CHRDL1: variants seen among roughly 807,000 people sequenced by gnomAD.
The protein encoded by CHRDL1 is chordin-like protein 1.
In CHRDL1, 19 loss-of-function variants were observed where a neutral mutation model predicts 40.9. The observed-to-expected ratio is 0.46, with a 90% CI of 0.32 to 0.68. CHRDL1 has a LOEUF of 0.68. Ranked by LOEUF, CHRDL1 falls within the 30% of genes least tolerant of loss-of-function variation. The pLI is 0.03. For synonymous variants in CHRDL1, 136 were observed against 123.4 expected, an observed-to-expected ratio of 1.10 and a Z score of -0.68; for missense variants, 329 against 352.1, an observed-to-expected ratio of 0.93 and a Z score of 0.53.
At chrX:110,708,596 C>T (rs1355497548) in intron 6 of CHRDL1, among the ~76,000 whole-genome samples, 2 of 111,593 alleles carry the variant, frequency 1.8e-5, no homozygotes, top group African/African-American at 3.3e-5. Flanking sequence ...ACACACACAA[C>T]GGGGGGAATT....
intron 7 of CHRDL1, among the ~76,000 whole-genome samples, chrX:110,700,366 C>T: frequency 8.9e-6 from 1 of 111,765 alleles, no homozygotes; most frequent in Middle Eastern, 4.6e-3. Context: ...CCTTAGAGAA[C>T]ACATAAAGAC....
chrX:110,776,888 G>A (rs998672912), intron 2 of CHRDL1, among the ~76,000 whole-genome samples: 3 of 110,645 alleles, frequency 2.7e-5, no homozygotes, highest in Non-Finnish European at 5.7e-5. Flanking sequence ...GTTCACTCTT[G>A]GTATTGCACA....
chrX:110,701,343 C>A (rs766919588), intron 6 of CHRDL1, among the ~76,000 whole-genome samples: 1 of 111,535 alleles, frequency 9.0e-6, no homozygotes, highest in Non-Finnish European at 1.9e-5. Context: ...ACCAAGCAAG[C>A]GAATGGGAAG....
chrX:110,734,017 A>G (rs2071219216), intron 4 of CHRDL1, among the ~76,000 whole-genome samples: 1 of 109,586 alleles, frequency 9.1e-6, no homozygotes, highest in South Asian at 4.0e-4. Context: ...TAATTTTAAG[A>G]GTCTGGTATT....
At chrX:110,753,929 T>C (rs754273897) in intron 4 of CHRDL1, among the ~76,000 whole-genome samples, 1 of 112,492 alleles carries the variant, frequency 8.9e-6, no homozygotes, top group African/African-American at 3.2e-5. Context: ...ATGTGAGTGC[T>C]AAATAAGGGA....
intron 6 of CHRDL1, among the ~76,000 whole-genome samples, chrX:110,708,570 C>A (rs2070690174): frequency 8.9e-6 from 1 of 111,837 alleles, no homozygotes; most frequent in Non-Finnish European, 1.9e-5. Flanking sequence ...AAAATAGCTC[C>A]TTGAGAAATA....
intron 11 of CHRDL1, among the ~76,000 whole-genome samples, chrX:110,678,312 T>C (rs10126502): frequency 0.49 from 53,672 of 110,567 alleles, 11,315 homozygotes; most frequent in African/African-American, 0.79. Flanking sequence ...CTCTATGCTA[T>C]TTGCAGCAAC....
At chrX:110,709,134 T>A (rs920830821) in intron 6 of CHRDL1, among the ~76,000 whole-genome samples, 1 of 112,573 alleles carries the variant, frequency 8.9e-6, no homozygotes, top group Non-Finnish European at 1.9e-5. Context: ...GAGACAATAA[T>A]GCCTACCTTA....
rs1426620738 is a variant in CHRDL1, at chrX:110,688,811, A to G, written c.779-8T>C. 1 of 1,178,090 alleles carries G rather than the reference A, an allele frequency of 8.5e-7. No homozygotes were observed. The highest frequency in any genetic ancestry group is 1.2e-6 in the Non-Finnish European group (1 of 866,845). On this transcript the variant is annotated splice_region_variant and splice_polypyrimidine_tract_variant and intron_variant, in intron 8 of 11. Coordinates refer to ENST00000372042, the MANE Select transcript of CHRDL1 (RefSeq NM_001143981.2). ...TTCCATTGGAAACACACACTGAAAG[A>G]GAATGCAGAATTAGCAATTAAAAGC...
At chrX:110,758,146 A>G (rs1423005640) in intron 4 of CHRDL1, among the ~76,000 whole-genome samples, 1 of 109,171 alleles carries the variant, frequency 9.2e-6, no homozygotes, top group Non-Finnish European at 1.9e-5. Context: ...AAAAAAAAAC[A>G]AAGAAGCTCT....
intron 4 of CHRDL1, among the ~76,000 whole-genome samples, chrX:110,747,704 T>G (rs1045066503): frequency 8.9e-6 from 1 of 112,546 alleles, no homozygotes; most frequent in Non-Finnish European, 1.9e-5. Context: ...GACTACCACG[T>G]GGATCAAGAA....
chrX:110,720,606 C>A (rs1037642115), intron 5 of CHRDL1, among the ~76,000 whole-genome samples: 3 of 111,632 alleles, frequency 2.7e-5, no homozygotes, highest in Non-Finnish European at 3.8e-5. Context: ...CACGAAAATT[C>A]TCCTAAACTA....
chrX:110,697,813 T>TA (rs2070420254), intron 7 of CHRDL1, among the ~76,000 whole-genome samples: 1 of 31,146 alleles, frequency 3.2e-5, no homozygotes. Flanking sequence ...ACCACACCAC[T>TA]CCACACACAC....
chrX:110,770,231 A>AT (rs1181655307), intron 2 of CHRDL1, among the ~76,000 whole-genome samples: 2 of 112,406 alleles, frequency 1.8e-5, no homozygotes. Flanking sequence ...ATAAAGTGCT[A>AT]TAAAATATAG....
chrX:110,698,061 C>T (rs2070436695), intron 7 of CHRDL1, among the ~76,000 whole-genome samples: 1 of 111,645 alleles, frequency 9.0e-6, no homozygotes, highest in African/African-American at 3.3e-5. Context: ...CAAAAGAAAC[C>T]AGTCAGCTGT....
At chrX:110,789,750 C>T (rs766523752) in intron 2 of CHRDL1, among the ~76,000 whole-genome samples, 10 of 111,780 alleles carry the variant, frequency 8.9e-5, no homozygotes, top group Non-Finnish European at 1.9e-4. Context: ...GAAGATCACA[C>T]AGCAAACCAC....
At chrX:110,682,226 T>C (rs1603110784) in intron 9 of CHRDL1, among the ~76,000 whole-genome samples, 2 of 112,374 alleles carry the variant, frequency 1.8e-5, no homozygotes, top group African/African-American at 6.5e-5. Context: ...TTTGATTTGT[T>C]TGTAAGGGGA....
At chrX:110,761,573 G>C (rs745946450) in intron 3 of CHRDL1, among the ~76,000 whole-genome samples, 5 of 111,935 alleles carry the variant, frequency 4.5e-5, no homozygotes, top group Middle Eastern at 4.6e-3. Flanking sequence ...TTGCTCCCCA[G>C]GCAACTTGGC....
intron 8 of CHRDL1, 104 bp from the exon 9 acceptor site, chrX:110,688,907 G>T: frequency 1.6e-6 from 1 of 610,271 alleles, no homozygotes; most frequent in Non-Finnish European, 2.6e-6. Flanking sequence ...AGCATCCTTT[G>T]TTCTTGTCAT....
Sources: allele counts gnomAD v4.1 joint callset (sites outside exome capture counted in the v4.1 genomes callset), GRCh38; gene constraint gnomAD v4.1.1; transcripts MANE v1.5; gene names NCBI Gene and HGNC (gene_info 2026-07-23, HGNC 2026-07-21).